The following ROBO1 variants were observed in gnomAD, a reference collection of about 807,000 sequenced individuals.
The protein encoded by ROBO1 is roundabout homolog 1.
Under a neutral mutation model 195.9 loss-of-function variants are expected in ROBO1, and 149 were observed. The observed-to-expected ratio is 0.76, with a 90% confidence interval of 0.67 to 0.87. The LOEUF (loss-of-function observed/expected upper bound fraction) is 0.87, where lower values mean the gene tolerates loss of function less well. Ranked by LOEUF, ROBO1 falls within the 40% of genes least tolerant of loss-of-function variation. ROBO1 has a pLI of 0.00. For missense variants in ROBO1, 1,933 were observed against 2,068.3 expected (o/e 0.93, Z 1.27); for synonymous variants, 816 against 733.2 (o/e 1.11, Z -1.82).
intron 3 of ROBO1, among the ~76,000 whole-genome samples, chr3:78,960,507 GT>G (rs1227257800): frequency 6.6e-6 from 1 of 151,968 alleles, no homozygotes; most frequent in Non-Finnish European, 1.5e-5. Flanking sequence ...GGGTCCGGGT[GT>G]GGTGGCTCAC....
In ROBO1 at chr3:79,341,200, A is replaced by C. The variant is rs539712312; in HGVS notation, c.89-215661T>G. 2.0e-5 allele frequency among the ~76,000 whole-genome samples: 3 copies of C among 152,346 alleles called. No homozygotes were observed. In the East Asian group the frequency reaches 5.8e-4, roughly 29 times the overall value. The stretch of plus-strand genomic sequence containing the variant: ...TAAGTATGCTTATAGCATGTCATTC[A>C]AATGGAATTTCTGGTAGAGTGTTTT... On this transcript the variant is annotated intron_variant, in intron 2 of 30. Coordinates refer to ENST00000464233, the MANE Select transcript of ROBO1 (RefSeq NM_002941.4).
Position 79,509,146 on chromosome 3 carries a change from G to T in ROBO1, c.88+80678C>A, listed in dbSNP as rs4494888. Among the ~76,000 whole-genome samples, 797 of 152,024 alleles carry T rather than the reference G, an allele frequency of 5.2e-3. 15 individuals are homozygous for T. Among genetic ancestry groups the T allele is most frequent in the Admixed American group, 0.044 (678 of 15,266 alleles). ...GGGCAGGGATATAATTTCCAACATG[G>T]ATTCAGATCTATTATGTACCTAAAG... On this transcript the variant is annotated intron_variant, in intron 2 of 30. Transcript: ENST00000464233.
At chr3:79,029,342 TATC>T (rs2078254527) in intron 3 of ROBO1, among the ~76,000 whole-genome samples, 1 of 152,104 alleles carries the variant, frequency 6.6e-6, no homozygotes, top group Non-Finnish European at 1.5e-5. Flanking sequence ...GAAGAAGTAA[TATC>T]ATTATTTTTT....
chr3:79,200,248 A>G (rs1429387034), intron 2 of ROBO1, among the ~76,000 whole-genome samples: 1 of 151,814 alleles, frequency 6.6e-6, no homozygotes, highest in Non-Finnish European at 1.5e-5. Flanking sequence ...AAGATGAGAA[A>G]GGTCACTTAA....
At chr3:79,207,292 A>G (rs983456571) in intron 2 of ROBO1, among the ~76,000 whole-genome samples, 32 of 152,324 alleles carry the variant, frequency 2.1e-4, no homozygotes, top group East Asian at 7.7e-4. Context: ...GAACTTCTAC[A>G]TGTCATAAAA....
At chr3:78,911,714 A>T (rs116034221) in intron 4 of ROBO1, among the ~76,000 whole-genome samples, 157 of 152,096 alleles carry the variant, frequency 1.0e-3, no homozygotes, top group Middle Eastern at 3.4e-3. Context: ...GACTTGTCAA[A>T]TTTTTTCCAG....
chr3:79,220,683 T>C (rs896679055), intron 2 of ROBO1, among the ~76,000 whole-genome samples: 1 of 152,052 alleles, frequency 6.6e-6, no homozygotes, highest in Admixed American at 6.6e-5. Flanking sequence ...TGACTGTGTA[T>C]CTTCAGAGGA....
At chr3:78,640,260 G>C (rs909214501) in intron 21 of ROBO1, among the ~76,000 whole-genome samples, 1 of 152,044 alleles carries the variant, frequency 6.6e-6, no homozygotes, top group Admixed American at 6.6e-5. Context: ...TCAGATAGTT[G>C]GCACTTCTTC....
intron 3 of ROBO1, among the ~76,000 whole-genome samples, chr3:78,962,760 C>T (rs924032609): frequency 3.6e-5 from 5 of 137,224 alleles, no homozygotes; most frequent in Non-Finnish European, 6.1e-5. Context: ...GAGGGCAGCG[C>T]TTGCAGTGAG....
intron 1 of ROBO1, among the ~76,000 whole-genome samples, chr3:79,633,721 G>C (rs960959634): frequency 2.5e-5 from 1 of 40,092 alleles, no homozygotes; most frequent in Admixed American, 3.0e-4. Flanking sequence ...TACTTGAATA[G>C]TGATTTAAAA....
chr3:79,492,692 T>A (rs2107457352), intron 2 of ROBO1, among the ~76,000 whole-genome samples: 1 of 152,124 alleles, frequency 6.6e-6, no homozygotes, highest in South Asian at 2.1e-4. Context: ...ACAAAAAATA[T>A]TACAGATTCA....
chr3:79,508,950 TATAGAA>T (rs1238262996), intron 2 of ROBO1, among the ~76,000 whole-genome samples: 3 of 152,204 alleles, frequency 2.0e-5, no homozygotes, highest in Non-Finnish European at 4.4e-5. Context: ...GTATAAGTCT[TATAGAA>T]ATAACACAGT....
At chr3:79,605,634 G>C (rs2107888846) in intron 1 of ROBO1, among the ~76,000 whole-genome samples, 1 of 152,010 alleles carries the variant, frequency 6.6e-6, no homozygotes, top group South Asian at 2.1e-4. Context: ...CATCAGTATA[G>C]TCTGTTGATT....
chr3:79,684,969 T>G (rs1947057847), intron 1 of ROBO1, among the ~76,000 whole-genome samples: 1 of 152,068 alleles, frequency 6.6e-6, no homozygotes, highest in African/African-American at 2.4e-5. Flanking sequence ...CCAGGCATTT[T>G]AAGTAGTATA....
intron 2 of ROBO1, among the ~76,000 whole-genome samples, chr3:79,359,995 C>G (rs1387667): frequency 6.6e-6 from 1 of 151,716 alleles, no homozygotes; most frequent in African/African-American, 2.4e-5. Flanking sequence ...AAGATAATTG[C>G]AGGCAGAGGA....
intron 2 of ROBO1, among the ~76,000 whole-genome samples, chr3:79,318,265 T>C (rs2033827177): frequency 6.6e-6 from 1 of 152,222 alleles, no homozygotes; most frequent in Admixed American, 6.5e-5. Context: ...GGGCTCCCTA[T>C]GGTTCAGCAA....
chr3:79,389,128 T>A (rs13084055), intron 2 of ROBO1, among the ~76,000 whole-genome samples: 13,980 of 152,090 alleles, frequency 0.092, 818 homozygotes, highest in South Asian at 0.13. Flanking sequence ...TTGACTTTTG[T>A]ATGATGTAAA....
chr3:79,580,431 G>A (rs1216089940), intron 2 of ROBO1, among the ~76,000 whole-genome samples: 6 of 151,450 alleles, frequency 4.0e-5, no homozygotes, highest in African/African-American at 9.7e-5. Flanking sequence ...GCAGTGAGCC[G>A]AGATCACACC....
chr3:79,653,331 A>G (rs1946068767), intron 1 of ROBO1, among the ~76,000 whole-genome samples: 1 of 151,956 alleles, frequency 6.6e-6, no homozygotes, highest in South Asian at 2.1e-4. Flanking sequence ...TTTAGAAGCT[A>G]GAACCCCTTA....
Sources: gnomAD v4.1 joint callset for allele counts (sites outside exome capture counted in the v4.1 genomes callset) on GRCh38, gnomAD v4.1.1 for gene constraint, MANE v1.5 for transcripts, NCBI Gene and HGNC (gene_info 2026-07-23, HGNC 2026-07-21) for gene names.